The following BRINP3 variants were observed in gnomAD, a reference collection of about 807,000 sequenced individuals.
The protein encoded by BRINP3 is BMP/retinoic acid-inducible neural-specific protein 3.
A neutral mutation model predicts 71.0 loss-of-function variants in BRINP3; 19 were observed. The observed-to-expected ratio is 0.27, with a 90% CI of 0.19 to 0.39. The LOEUF (loss-of-function observed/expected upper bound fraction) is 0.39. BRINP3 is among the 10% of genes least tolerant of loss of function. The pLI, the probability that BRINP3 is intolerant of heterozygous loss-of-function variation, is 1.00. For missense variants in BRINP3, 959 were observed against 940.8 expected (o/e 1.02, Z -0.25); for synonymous variants, 380 against 337.7 (o/e 1.13, Z -1.37).
intron 5 of BRINP3, among the ~76,000 whole-genome samples, chr1:190,231,095 CTTA>C (rs1363507612): frequency 7.3e-5 from 11 of 151,520 alleles, no homozygotes; most frequent in South Asian, 2.1e-4. Context: ...TAGAAGTACA[CTTA>C]TTATAAGTAT....
At chr1:190,401,197 A>G (rs962034547) in intron 2 of BRINP3, among the ~76,000 whole-genome samples, 1 of 151,882 alleles carries the variant, frequency 6.6e-6, no homozygotes, top group Non-Finnish European at 1.5e-5. Context: ...GTATTTACCA[A>G]AAACATGAAA....
intron 7 of BRINP3, among the ~76,000 whole-genome samples, chr1:190,114,526 C>CTGTGTGTGTGTGTGTG (rs34766118): frequency 6.3e-5 from 9 of 143,052 alleles, no homozygotes; most frequent in African/African-American, 2.3e-4. Flanking sequence ...AAGTTTGCCA[C>CTGTGTGTGTGTGTGTG]TGTGTGTGTG....
At chr1:190,471,600 G>A (rs981680775) in intron 1 of BRINP3, among the ~76,000 whole-genome samples, 1 of 151,342 alleles carries the variant, frequency 6.6e-6, no homozygotes, top group Non-Finnish European at 1.5e-5. Context: ...ATTAATTCTA[G>A]TAAACTTTAT....
At chr1:190,239,809 G>A (rs1658881823) in intron 4 of BRINP3, among the ~76,000 whole-genome samples, 1 of 151,656 alleles carries the variant, frequency 6.6e-6, no homozygotes, top group Non-Finnish European at 1.5e-5. Context: ...ATGCAAATTT[G>A]GATTTTCATA....
At chr1:190,461,872 T>C (rs1474890477) in intron 1 of BRINP3, among the ~76,000 whole-genome samples, 1 of 152,150 alleles carries the variant, frequency 6.6e-6, no homozygotes, top group Non-Finnish European at 1.5e-5. Flanking sequence ...ATTGTAAACA[T>C]ATATTGACAA....
At chr1:190,284,365 C>T (rs1277272252) in intron 2 of BRINP3, among the ~76,000 whole-genome samples, 1 of 151,848 alleles carries the variant, frequency 6.6e-6, no homozygotes, top group Non-Finnish European at 1.5e-5. Context: ...TATTATTGTC[C>T]ATGTTGCTGG....
rs757648847 is a variant in BRINP3, at chr1:190,442,906, C to CTTT, written c.236+11746_236+11748dup. 8.9e-5 allele frequency among the ~76,000 whole-genome samples: 9 copies of CTTT among 101,578 alleles called. No individual in the cohort carries two copies. In the South Asian group the frequency reaches 1.2e-3, roughly 13 times the overall value. 66.6% of individuals were successfully genotyped at this position (101,578 alleles called of 152,430 possible). A position where few individuals can be genotyped will look rare whatever the true frequency, so the allele number is the denominator to read the frequency against. On this transcript the variant is annotated intron_variant, in intron 2 of 7. Coordinates refer to ENST00000367462, the MANE Select transcript of BRINP3 (RefSeq NM_199051.3). Reference sequence around the variant, plus strand: ...TCAAATATTGTGGAAGTCTCTGTATCTTTTTTTTTTTTTTTTTTTTTGGCG... The same window carrying CTTT: ...TCAAATATTGTGGAAGTCTCTGTATCTTTTTTTTTTTTTTTTTTTTTTTTGGCG...
At chr1:190,369,079 G>T (rs1669691917) in intron 2 of BRINP3, among the ~76,000 whole-genome samples, 1 of 152,090 alleles carries the variant, frequency 6.6e-6, no homozygotes, top group African/African-American at 2.4e-5. Context: ...TTCAAAATGA[G>T]ATTTGGGTGA....
intron 2 of BRINP3, among the ~76,000 whole-genome samples, chr1:190,435,583 C>A (rs1674404986): frequency 6.6e-6 from 1 of 151,992 alleles, no homozygotes; most frequent in Non-Finnish European, 1.5e-5. Context: ...AACTAACTCA[C>A]AACAATGTCA....
intron 4 of BRINP3, among the ~76,000 whole-genome samples, chr1:190,249,913 G>A (rs1053784420): frequency 3.3e-5 from 5 of 151,792 alleles, no homozygotes; most frequent in Non-Finnish European, 5.9e-5. Context: ...TTCCATTTAT[G>A]AGTCCAAGAA....
chr1:190,233,109 A>G (rs1249640752), intron 5 of BRINP3, among the ~76,000 whole-genome samples: 1 of 151,956 alleles, frequency 6.6e-6, no homozygotes, highest in African/African-American at 2.4e-5. Context: ...TTTTTCTTTT[A>G]ATTAATTAAT....
chr1:190,328,648 T>C (rs1666763463), intron 2 of BRINP3, among the ~76,000 whole-genome samples: 1 of 149,454 alleles, frequency 6.7e-6, no homozygotes, highest in Admixed American at 6.7e-5. Context: ...ATATCAAAGA[T>C]GGGTGATTCA....
intron 2 of BRINP3, among the ~76,000 whole-genome samples, chr1:190,358,725 G>A (rs1668914724): frequency 1.3e-5 from 2 of 152,046 alleles, no homozygotes; most frequent in South Asian, 4.2e-4. Context: ...TGCTTATTGT[G>A]GCACTATTCA....
At position 190,244,884 on chromosome 1, in the gene BRINP3, A is replaced by G. The variant is rs181467697; in HGVS notation, c.619-10407T>C. Among the ~76,000 whole-genome samples, 403 of 152,242 alleles carry G rather than the reference A, an allele frequency of 2.6e-3. 1 individual carries two copies. The highest frequency in any genetic ancestry group is 9.2e-3 in the African/African-American group (384 of 41,566). ...AAAAATTTTCAATTTCTCCTCTGAA[A>G]TTCCATATTTAATATTACTCTTCTG... On this transcript the variant is annotated intron_variant, in intron 4 of 7. Transcript: ENST00000367462.
At chr1:190,293,926 ATTGT>A in intron 2 of BRINP3, among the ~76,000 whole-genome samples, 1 of 151,968 alleles carries the variant, frequency 6.6e-6, no homozygotes, top group Middle Eastern at 3.4e-3. Context: ...GGTAAAGTGG[ATTGT>A]TTGTAGGCAC....
intron 7 of BRINP3, among the ~76,000 whole-genome samples, chr1:190,104,850 C>A (rs886543741): frequency 1.3e-5 from 2 of 152,052 alleles, no homozygotes; most frequent in African/African-American, 2.4e-5. Flanking sequence ...CTTATTCCAA[C>A]CTTCTAATCC....
intron 6 of BRINP3, among the ~76,000 whole-genome samples, chr1:190,187,741 T>C (rs1183125710): frequency 6.6e-6 from 1 of 152,098 alleles, no homozygotes; most frequent in African/African-American, 2.4e-5. Flanking sequence ...TCTATTTCCA[T>C]GCCAGTGCCA....
chr1:190,196,805 C>T (rs1654522131), intron 6 of BRINP3, among the ~76,000 whole-genome samples: 1 of 151,810 alleles, frequency 6.6e-6, no homozygotes, highest in Non-Finnish European at 1.5e-5. Context: ...TAAGGGTCAT[C>T]TATGAGTGGA....
At chr1:190,265,562 A>ATG (rs397793178) in intron 3 of BRINP3, among the ~76,000 whole-genome samples, 1 of 147,754 alleles carries the variant, frequency 6.8e-6, no homozygotes, top group Admixed American at 6.8e-5. Flanking sequence ...ATATATATAT[A>ATG]AATTAGCCGG....
Sources: gnomAD v4.1 joint callset for allele counts (sites outside exome capture counted in the v4.1 genomes callset) on GRCh38, gnomAD v4.1.1 for gene constraint, MANE v1.5 for transcripts, NCBI Gene and HGNC (gene_info 2026-07-23, HGNC 2026-07-21) for gene names.